The following VPS8 variants were observed in gnomAD, a reference collection of about 807,000 sequenced individuals.
The protein encoded by VPS8 is VPS8 subunit of CORVET complex, also known as vacuolar protein sorting-associated protein 8 homolog.
VPS8 carries 129 observed loss-of-function variants against 216.4 expected under a neutral mutation model. That is an observed-to-expected ratio of 0.60 (90% CI 0.52 to 0.69). The LOEUF (loss-of-function observed/expected upper bound fraction) is 0.69, where lower values mean the gene tolerates loss of function less well. Among genes scored for constraint, VPS8 ranks in the 30% least tolerant of loss-of-function variants. VPS8 has a pLI of 0.00. For synonymous variants in VPS8, 571 were observed against 565.4 expected (o/e 1.01, Z -0.14); for missense variants, 1,531 against 1,683.5 (o/e 0.91, Z 1.59).
intron 46 of VPS8, among the ~76,000 whole-genome samples, chr3:185,035,320 G>T (rs1758730097): frequency 6.6e-6 from 1 of 152,100 alleles, no homozygotes; most frequent in Non-Finnish European, 1.5e-5. Context: ...GAAAACTTCA[G>T]GCCAATATCC....
intron 3 of VPS8, among the ~76,000 whole-genome samples, chr3:184,828,230 C>T (rs1719222454): frequency 6.6e-6 from 1 of 152,170 alleles, no homozygotes; most frequent in Admixed American, 6.5e-5. Flanking sequence ...CCCTCCACCT[C>T]CCAGGCTCAA....
chr3:184,933,626 C>G, intron 34 of VPS8, among the ~76,000 whole-genome samples: 1 of 151,870 alleles, frequency 6.6e-6, no homozygotes, highest in East Asian at 1.9e-4. Flanking sequence ...ATCTTTGGCT[C>G]TGAGTTCCAC....
chr3:184,921,113 T>C (rs2109136862), intron 29 of VPS8, among the ~76,000 whole-genome samples: 1 of 152,328 alleles, frequency 6.6e-6, no homozygotes, highest in Admixed American at 6.5e-5. Context: ...ATTTGTGACC[T>C]TGCCTCTCTT....
intron 3 of VPS8, among the ~76,000 whole-genome samples, chr3:184,827,371 T>A (rs1414684033): frequency 6.6e-6 from 1 of 152,238 alleles, no homozygotes; most frequent in Admixed American, 6.5e-5. Context: ...TCCTATATGT[T>A]CTGTGTGAAG....
At chr3:184,932,830 A>G (rs1422082079) in intron 34 of VPS8, among the ~76,000 whole-genome samples, 1 of 152,230 alleles carries the variant, frequency 6.6e-6, no homozygotes, top group Non-Finnish European at 1.5e-5. Context: ...TACATTTTAT[A>G]AGTATATCAC....
At chr3:185,043,090 C>A (rs900896840) in intron 46 of VPS8, among the ~76,000 whole-genome samples, 3 of 152,090 alleles carry the variant, frequency 2.0e-5, no homozygotes, top group Non-Finnish European at 4.4e-5. Flanking sequence ...TAGCATCAGC[C>A]CCTACAGACA....
chr3:184,841,207 T>C (rs1373737067), intron 7 of VPS8, among the ~76,000 whole-genome samples: 3 of 152,142 alleles, frequency 2.0e-5, no homozygotes, highest in Non-Finnish European at 4.4e-5. Context: ...AAAATATAGA[T>C]GAGCAAAAAG....
intron 22 of VPS8, among the ~76,000 whole-genome samples, chr3:184,889,509 A>G (rs1032147868): frequency 6.6e-6 from 1 of 152,092 alleles, no homozygotes; most frequent in African/African-American, 2.4e-5. Context: ...GAGCGTATGG[A>G]TGGCTTCCCT....
intron 1 of VPS8, among the ~76,000 whole-genome samples, chr3:184,819,679 A>G (rs1717125926): frequency 6.6e-6 from 1 of 152,180 alleles, no homozygotes; most frequent in African/African-American, 2.4e-5. Context: ...AAACAAATTA[A>G]CTTATATTTA....
In VPS8 at chr3:184,869,953, A is replaced by G. The variant is rs138715215; in HGVS notation, c.1644+425A>G. On this transcript the variant is annotated intron_variant, in intron 20 of 47. Coordinates refer to ENST00000625842, the MANE Select transcript of VPS8 (RefSeq NM_001009921.3). ...ATACTTTTAAAATTCCTTCTTAATC[A>G]CCTTTTCTTTTTTCCCTTGCTCACT... Among the ~76,000 whole-genome samples, 37 of 152,004 alleles carry G rather than the reference A, an allele frequency of 2.4e-4. 1 individual carries two copies. The East Asian group carries it at 6.4e-3, about 26-fold the overall frequency.
chr3:184,876,010 T>C (rs1216460529), intron 21 of VPS8, among the ~76,000 whole-genome samples: 1 of 151,196 alleles, frequency 6.6e-6, no homozygotes, highest in East Asian at 1.9e-4. Context: ...AAAAGAGTTG[T>C]CTCCATTTCC....
At chr3:184,925,680 T>C (rs1739457200) in intron 30 of VPS8, among the ~76,000 whole-genome samples, 2 of 152,160 alleles carry the variant, frequency 1.3e-5, no homozygotes, top group Non-Finnish European at 2.9e-5. Flanking sequence ...CCTAAGCCCA[T>C]GCTTTGCTAG....
chr3:184,922,744 C>A (rs976212482), intron 29 of VPS8, among the ~76,000 whole-genome samples: 1 of 151,942 alleles, frequency 6.6e-6, no homozygotes, highest in Non-Finnish European at 1.5e-5. Flanking sequence ...TAGGCAGTGA[C>A]CAGAGAACAG....
chr3:184,830,448 A>C (rs1014857624), intron 3 of VPS8, among the ~76,000 whole-genome samples: 2 of 147,006 alleles, frequency 1.4e-5, no homozygotes, highest in Non-Finnish European at 3.0e-5. Flanking sequence ...GAATTAGTTT[A>C]TCAGTTCACA....
intron 34 of VPS8, among the ~76,000 whole-genome samples, chr3:184,934,647 G>A (rs1192231228): frequency 2.6e-5 from 4 of 151,984 alleles, no homozygotes; most frequent in Admixed American, 6.5e-5. Context: ...ATTTTATCAT[G>A]TTTTCTTCCT....
chr3:184,927,656 T>C (rs1448697610), intron 31 of VPS8, among the ~76,000 whole-genome samples: 1 of 152,158 alleles, frequency 6.6e-6, no homozygotes, highest in East Asian at 1.9e-4. Flanking sequence ...CATTGTACAA[T>C]CCTCATCACC....
chr3:184,909,897 T>A (rs183965870), intron 25 of VPS8, among the ~76,000 whole-genome samples: 2 of 152,294 alleles, frequency 1.3e-5, no homozygotes, highest in East Asian at 3.9e-4. Context: ...CTCTATCAGG[T>A]ATTTTTCACC....
chr3:184,953,282 G>A (rs1290334285), intron 36 of VPS8, among the ~76,000 whole-genome samples: 1 of 152,302 alleles, frequency 6.6e-6, no homozygotes, highest in East Asian at 1.9e-4. Context: ...AACATTTCAG[G>A]AAAGCAGAAA....
intron 45 of VPS8, among the ~76,000 whole-genome samples, chr3:185,019,631 T>C (rs903147882): frequency 6.6e-6 from 1 of 152,260 alleles, no homozygotes; most frequent in Non-Finnish European, 1.5e-5. Flanking sequence ...TAAGAACACC[T>C]TAAGTGGTTT....
Sources: allele counts gnomAD v4.1 joint callset (sites outside exome capture counted in the v4.1 genomes callset), GRCh38; gene constraint gnomAD v4.1.1; transcripts MANE v1.5; gene names NCBI Gene and HGNC (gene_info 2026-07-23, HGNC 2026-07-21).